Variants in CACNA1A observed in about 807,000 individuals in gnomAD.
The protein encoded by CACNA1A is calcium voltage-gated channel subunit alpha1 A.
A neutral mutation model predicts 262.4 loss-of-function variants in CACNA1A; 57 were observed. The observed-to-expected ratio is 0.22, with a 90% CI of 0.18 to 0.27. The LOEUF is 0.27. Among genes scored for constraint, CACNA1A ranks in the 10% least tolerant of loss-of-function variants. The pLI is 1.00. For missense variants in CACNA1A, 2,526 were observed against 3,562.8 expected, an observed-to-expected ratio of 0.71 and a Z score of 7.41; for synonymous variants, 1,431 against 1,419.3, an observed-to-expected ratio of 1.01 and a Z score of -0.18.
intron 6 of CACNA1A, among the ~76,000 whole-genome samples, chr19:13,358,547 A>C (rs375549353): frequency 1.3e-5 from 2 of 152,340 alleles, no homozygotes; most frequent in African/African-American, 4.8e-5. Context: ...TTGGGATAAG[A>C]AAGAGGGGGG....
intron 31 of CACNA1A, 64 bp downstream of exon 31, chr19:13,245,118 C>A (rs950561677): frequency 4.6e-6 from 6 of 1,304,152 alleles, no homozygotes; most frequent in African/African-American, 2.9e-5. Flanking sequence ...ACCGCTCCCC[C>A]GCCCCCTGCC....
At chr19:13,412,470 T>C (rs967474972) in intron 3 of CACNA1A, among the ~76,000 whole-genome samples, 2 of 150,376 alleles carry the variant, frequency 1.3e-5, no homozygotes, top group African/African-American at 5.0e-5. Context: ...ATAACCTTTC[T>C]TTTTTTTCTT....
chr19:13,256,889 A>G (rs12983907), intron 28 of CACNA1A: 33,507 of 154,176 alleles, frequency 0.22, 4,015 homozygotes, highest in Non-Finnish European at 0.26. Context: ...GCTTTGGCTG[A>G]TGAAATGTGA....
Position 13,214,686 on chromosome 19 carries a change from G to C in CACNA1A, c.5732-78C>G, listed in dbSNP as rs998064570. On this transcript the variant is annotated intron_variant, in intron 38 of 46. Coordinates refer to ENST00000360228, the MANE Select transcript of CACNA1A (RefSeq NM_001127222.2). The surrounding 1 kb of genome is among the most constrained non-coding windows in gnomAD (Gnocchi z 4.1). ...CTCTGGGTCAGCTGCAAAGCCATAG[G>C]CTCCCGAGAACGAGACCCCAATCTT... The C allele has an allele frequency of 2.6e-6, 3 of 1,149,566 alleles. No individual in the cohort carries two copies. Among genetic ancestry groups the C allele is most frequent in the Non-Finnish European group, 3.9e-6 (3 of 778,648 alleles). The allele number at this position is 1,149,566 out of a possible 1,614,324, so 71.2% of individuals were successfully genotyped here.
chr19:13,439,195 G>A (rs1158900929), intron 3 of CACNA1A, among the ~76,000 whole-genome samples: 2 of 148,632 alleles, frequency 1.3e-5, no homozygotes, highest in African/African-American at 2.5e-5. Context: ...TGCAAGCTCC[G>A]CCTCCCAGGT....
intron 1 of CACNA1A, among the ~76,000 whole-genome samples, chr19:13,456,386 T>C (rs1469513937): frequency 3.3e-5 from 5 of 151,934 alleles, no homozygotes; most frequent in African/African-American, 1.2e-4. Context: ...ATAAAGAACA[T>C]TTACGGCCAG....
intron 1 of CACNA1A, among the ~76,000 whole-genome samples, chr19:13,464,837 T>A (rs139209435): frequency 6.6e-6 from 1 of 151,550 alleles, no homozygotes; most frequent in Admixed American, 6.6e-5. Flanking sequence ...CGTGAGCCAC[T>A]GCGCCCGGCC....
intron 3 of CACNA1A, among the ~76,000 whole-genome samples, chr19:13,449,783 C>T (rs2060881939): frequency 6.6e-6 from 1 of 152,042 alleles, no homozygotes; most frequent in African/African-American, 2.4e-5. Context: ...GGAAAGTGCC[C>T]CTGGATGGGG....
rs1383062811 is a variant in CACNA1A, at chr19:13,209,611, A to AC, written c.6340-114dup. ...GGTGGCCTTCGGTGACTGCGGTGTGACCATCCTGGGGCAGGGGCCAGGGGA... is the reference window on the plus strand; with the variant it reads ...GGTGGCCTTCGGTGACTGCGGTGTGACCCATCCTGGGGCAGGGGCCAGGGGA... On this transcript the variant is annotated intron_variant, in intron 44 of 46. Transcript: ENST00000360228. 3.9e-6 allele frequency: 3 copies of AC among 767,990 alleles called. No homozygotes were observed. The African/African-American group carries it at 5.5e-5, about 14-fold the overall frequency. 47.6% of individuals were successfully genotyped at this position (767,990 alleles called of 1,614,324 possible). A position where few individuals can be genotyped will look rare whatever the true frequency, so the allele number is the denominator to read the frequency against.
chr19:13,483,937 T>G (rs1322329721), intron 1 of CACNA1A, among the ~76,000 whole-genome samples: 1 of 152,244 alleles, frequency 6.6e-6, no homozygotes, highest in Non-Finnish European at 1.5e-5. Flanking sequence ...TAGATATTTT[T>G]ACTTTAATTC....
intron 10 of CACNA1A, among the ~76,000 whole-genome samples, chr19:13,323,116 G>A (rs1051200108): frequency 2.6e-5 from 4 of 152,118 alleles, no homozygotes; most frequent in Non-Finnish European, 5.9e-5. Context: ...AAAGTTAGCT[G>A]GGCATGGTGG....
intron 3 of CACNA1A, among the ~76,000 whole-genome samples, chr19:13,379,923 A>C (rs1452574133): frequency 6.1e-4 from 1 of 1,644 alleles, no homozygotes; most frequent in Non-Finnish European, 1.8e-3. Context: ...ATGCCGTCTC[A>C]AAAAAAAAAA....
chr19:13,241,026 C>A lies in CACNA1A; in HGVS notation c.4950+4156G>T, dbSNP rs1438721283. On this transcript the variant is annotated intron_variant, in intron 31 of 46. Transcript: ENST00000360228. The surrounding 1 kb of genome is among the most constrained non-coding windows in gnomAD (Gnocchi z 4.0). ...AGAGTCAAGTCTCTGCTGGTCAAGG[C>A]CAAAGATCTTGTGGGCTTGAGATGG... Among the ~76,000 whole-genome samples the A allele has an allele frequency of 6.6e-6, 1 of 152,188 alleles. No individual in the cohort carries two copies. The highest frequency in any genetic ancestry group is 1.9e-4 in the East Asian group (1 of 5,192).
chr19:13,388,245 CTTTTTTTTTTTTT>C lies in CACNA1A; in HGVS notation c.540-16479_540-16467del, dbSNP rs1161893626. On this transcript the variant is annotated intron_variant, in intron 3 of 46. Transcript: ENST00000360228. The stretch of plus-strand genomic sequence containing the variant: ...CTTGAAAAAACGATTTCTTCCTCTT[CTTTTTTTTTTTTT>C]TTTTTTTTTTTTTTTGAGACAAAGT... Among the ~76,000 whole-genome samples the C allele has an allele frequency of 1.3e-4, 11 of 85,680 alleles. No individual in the cohort carries two copies. The East Asian group carries it at 1.9e-3, about 14-fold the overall frequency. 56.2% of individuals were successfully genotyped at this position (85,680 alleles called of 152,430 possible).
intron 15 of CACNA1A, among the ~76,000 whole-genome samples, chr19:13,304,647 A>T: frequency 8.6e-6 from 1 of 116,798 alleles, no homozygotes; most frequent in Non-Finnish European, 1.7e-5. Context: ...TTTTTTTTTG[A>T]GATTTTTGTC....
chr19:13,289,417 G>C (rs1334243335), intron 19 of CACNA1A, among the ~76,000 whole-genome samples: 1 of 152,250 alleles, frequency 6.6e-6, no homozygotes, highest in East Asian at 1.9e-4. Flanking sequence ...AAAATGCTGG[G>C]ATTATAGGCA....
intron 27 of CACNA1A, chr19:13,258,305 A>G (rs1489740119): frequency 6.6e-6 from 1 of 152,358 alleles, no homozygotes; most frequent in African/African-American, 2.4e-5. Flanking sequence ...GTATTTGAGC[A>G]CAGGTGGTGC....
At chr19:13,305,228 C>T (rs2057876113) in intron 15 of CACNA1A, among the ~76,000 whole-genome samples, 1 of 152,070 alleles carries the variant, frequency 6.6e-6, no homozygotes, top group African/African-American at 2.4e-5. Context: ...GGTGAGGGAG[C>T]TGGGGTATTT....
intron 1 of CACNA1A, among the ~76,000 whole-genome samples, chr19:13,468,794 A>G (rs1178775726): frequency 6.6e-6 from 1 of 152,112 alleles, no homozygotes; most frequent in African/African-American, 2.4e-5. Flanking sequence ...CTCAAAATTA[A>G]ACAAACAAAT....
Sources: allele counts gnomAD v4.1 joint callset (sites outside exome capture counted in the v4.1 genomes callset), GRCh38; gene constraint gnomAD v4.1.1; non-coding constraint Gnocchi (gnomAD v3.1); transcripts MANE v1.5; gene names NCBI Gene and HGNC (gene_info 2026-07-23, HGNC 2026-07-21).